MTREX: variants seen among roughly 807,000 people sequenced by gnomAD.
MTREX encodes exosome RNA helicase MTR4.
MTREX carries 76 observed loss-of-function variants against 135.4 expected under a neutral mutation model. The ratio of observed to expected loss-of-function variants is 0.56; its 90% CI spans 0.47 to 0.68. The LOEUF is 0.68. Among genes scored for constraint, MTREX ranks in the 30% least tolerant of loss-of-function variants. The pLI is 0.00. For missense variants in MTREX, 920 were observed against 1,262.1 expected (o/e 0.73, Z 4.11); for synonymous variants, 404 against 401.6 (o/e 1.01, Z -0.07).
intron 15 of MTREX, among the ~76,000 whole-genome samples, chr5:55,362,474 C>T (rs1230189211): frequency 2.0e-5 from 3 of 152,060 alleles, no homozygotes; most frequent in Non-Finnish European, 4.4e-5. Context: ...GATTCTCCTA[C>T]CTCAGCCTCC....
At chr5:55,400,038 A>G (rs1483738784) in intron 20 of MTREX, among the ~76,000 whole-genome samples, 195 bp from the exon 21 acceptor site, 1 of 152,252 alleles carries the variant, frequency 6.6e-6, no homozygotes, top group East Asian at 1.9e-4. Context: ...AAATCATAGT[A>G]TAGCGTTGAA....
chr5:55,308,162 C>T lies in MTREX; in HGVS notation c.134+15C>T. On this transcript the variant is annotated intron_variant, in intron 1 of 26. Coordinates refer to ENST00000230640, the MANE Select transcript of MTREX (RefSeq NM_015360.5). ...GACAAGGCAGGGTAAGGAAGAAGTT[C>T]CAGTTGTTGCTTTTATTTTTTTTCT... 6.4e-7 allele frequency: 1 copy of T among 1,560,708 alleles called. No individual in the cohort carries two copies. Among genetic ancestry groups the T allele is most frequent in the Non-Finnish European group, 8.6e-7 (1 of 1,157,300 alleles).
chr5:55,415,948 T>G, intron 24 of MTREX, 22 bp from the exon 25 acceptor site: 1 of 1,548,176 alleles, frequency 6.5e-7, no homozygotes, highest in Non-Finnish European at 8.7e-7. Context: ...AGTAAGGAAT[T>G]TTAACTCTTT....
intron 1 of MTREX, among the ~76,000 whole-genome samples, chr5:55,315,697 G>A (rs1382007670): frequency 6.6e-6 from 1 of 151,904 alleles, no homozygotes; most frequent in African/African-American, 2.4e-5. Context: ...CTAAGAAGGT[G>A]GTTGTTCTAC....
intron 5 of MTREX, among the ~76,000 whole-genome samples, chr5:55,335,114 A>G (rs1749534138): frequency 6.6e-6 from 1 of 151,914 alleles, no homozygotes; most frequent in Non-Finnish European, 1.5e-5. Context: ...CATGTTTATC[A>G]TTTCTTTATA....
chr5:55,424,920 T>TA lies in MTREX; in HGVS notation c.*149dup. 4.6e-6 allele frequency: 3 copies of TA among 649,402 alleles called. No homozygotes were observed. The highest frequency in any genetic ancestry group is 7.9e-6 in the Non-Finnish European group (3 of 378,710). The allele number at this position is 649,402 out of a possible 1,614,324, so 40.2% of individuals were successfully genotyped here. A position where few individuals can be genotyped will look rare whatever the true frequency, so the allele number is the denominator to read the frequency against. On this transcript the variant is annotated 3_prime_UTR_variant, in exon 27 of 27. Coordinates refer to ENST00000230640, the MANE Select transcript of MTREX (RefSeq NM_015360.5). ...CAAACATCATTCATAGAAAGCATAT[T>TA]ACATACATGTTTATACATAAGCATT...
chr5:55,325,661 T>G (rs1364063518), intron 3 of MTREX, among the ~76,000 whole-genome samples: 1 of 152,060 alleles, frequency 6.6e-6, no homozygotes, highest in African/African-American at 2.4e-5. Context: ...TGTGCAGGTT[T>G]GTTACATGGG....
At chr5:55,349,788 T>A (rs1579863104) in intron 12 of MTREX, 136 bp downstream of exon 12, 2 of 523,454 alleles carry the variant, frequency 3.8e-6, no homozygotes, top group Non-Finnish European at 6.8e-6. Flanking sequence ...CCCTTAATGA[T>A]ACTTTGACTT....
chr5:55,425,340 G>A lies in MTREX; in HGVS notation c.*568G>A, dbSNP rs1409805529. On this transcript the variant is annotated 3_prime_UTR_variant, in exon 27 of 27. Coordinates refer to ENST00000230640, the MANE Select transcript of MTREX (RefSeq NM_015360.5). Reference sequence around the variant, plus strand: ...AAATCCGATACATATACAGCCTACAGTGCAAAATATTTAATGGTATAATTT... The same window carrying A: ...AAATCCGATACATATACAGCCTACAATGCAAAATATTTAATGGTATAATTT... 2 of 1,588,616 alleles carry A rather than the reference G, an allele frequency of 1.3e-6. No homozygotes were observed. Among genetic ancestry groups the A allele is most frequent in the Non-Finnish European group, 1.7e-6 (2 of 1,163,112 alleles).
At chr5:55,343,556 A>AT in intron 8 of MTREX, 101 bp downstream of exon 8, 1 of 1,019,620 alleles carries the variant, frequency 9.8e-7, no homozygotes, top group South Asian at 1.7e-5. Context: ...GTCCAGAATA[A>AT]TAAAAAAAAC....
intron 19 of MTREX, among the ~76,000 whole-genome samples, chr5:55,396,110 G>A (rs902989509): frequency 2.0e-5 from 3 of 152,154 alleles, no homozygotes; most frequent in African/African-American, 7.2e-5. Context: ...TGAAATAAGG[G>A]TATGTGGGAT....
chr5:55,337,066 C>G (rs186666227), intron 5 of MTREX, among the ~76,000 whole-genome samples: 39 of 152,112 alleles, frequency 2.6e-4, no homozygotes, highest in African/African-American at 9.4e-4. Context: ...TTTTTAATTC[C>G]TAATTTAATT....
chr5:55,336,815 G>A (rs554786601), intron 5 of MTREX, among the ~76,000 whole-genome samples: 5 of 152,114 alleles, frequency 3.3e-5, no homozygotes, highest in African/African-American at 1.2e-4. Flanking sequence ...ACCTGCGTGT[G>A]TAGAGAGCTG....
chr5:55,390,663 A>G (rs895227984), intron 19 of MTREX, among the ~76,000 whole-genome samples: 4 of 152,208 alleles, frequency 2.6e-5, no homozygotes, highest in Non-Finnish European at 2.9e-5. Flanking sequence ...AATGAGACTC[A>G]GCGTCAGGGA....
Position 55,328,742 on chromosome 5 carries a change from AG to A in MTREX, c.447del (p.Gln149HisfsTer10). The A allele has an allele frequency of 6.2e-7, 1 of 1,613,588 alleles. No homozygotes were observed. The highest frequency in any genetic ancestry group is 8.5e-7 in the Non-Finnish European group (1 of 1,179,620). On this transcript the variant is annotated frameshift_variant, in exon 5 of 27. Transcript: ENST00000230640. LOFTEE classifies it high-confidence loss of function. ...ILDAFQREAI[Q>X]CVDNNQSVLV... ...GATGCTTTTCAAAGAGAGGCCATTC[AG>A]TGTGTTGACAATAATCAGTCTGTTC...
At chr5:55,384,982 G>C (rs1208124804) in intron 18 of MTREX, among the ~76,000 whole-genome samples, 1 of 152,176 alleles carries the variant, frequency 6.6e-6, no homozygotes, top group Admixed American at 6.5e-5. Flanking sequence ...AGATCTACCA[G>C]TTGCATTTCA....
At chr5:55,313,401 A>G (rs191507918) in intron 1 of MTREX, among the ~76,000 whole-genome samples, 41 of 152,278 alleles carry the variant, frequency 2.7e-4, no homozygotes, top group African/African-American at 9.6e-4. Context: ...TGATCATGAC[A>G]CTGCACTCTA....
At chr5:55,380,162 G>A (rs773005778) in intron 18 of MTREX, among the ~76,000 whole-genome samples, 12 of 151,578 alleles carry the variant, frequency 7.9e-5, no homozygotes, top group African/African-American at 2.7e-4. Flanking sequence ...GGATGGTCTC[G>A]AACTCCTGAC....
intron 5 of MTREX, among the ~76,000 whole-genome samples, chr5:55,337,335 G>T (rs926945771): frequency 1.3e-5 from 2 of 151,714 alleles, no homozygotes; most frequent in Non-Finnish European, 2.9e-5. Flanking sequence ...TTTTTGTAGC[G>T]ACAGGGTCTG....
Sources: allele counts gnomAD v4.1 joint callset (sites outside exome capture counted in the v4.1 genomes callset), GRCh38; gene constraint gnomAD v4.1.1; transcripts MANE v1.5; gene names NCBI Gene and HGNC (gene_info 2026-07-23, HGNC 2026-07-21).